The following BST1 variants were observed in gnomAD, a reference collection of about 807,000 sequenced individuals.
The protein encoded by BST1 is bone marrow stromal cell antigen 1, also known as ADP-ribosyl cyclase/cyclic ADP-ribose hydrolase 2.
Under a neutral mutation model 40.6 loss-of-function variants are expected in BST1, and 49 were observed. The ratio of observed to expected loss-of-function variants is 1.21; its 90% confidence interval spans 0.96 to 1.53. The LOEUF is 1.53. BST1 is among the 40% of genes most tolerant of loss of function. The pLI is 0.00. For missense variants in BST1, 423 were observed against 395.9 expected, an observed-to-expected ratio of 1.07 and a Z score of -0.58; for synonymous variants, 157 against 159.3, an observed-to-expected ratio of 0.99 and a Z score of 0.11.
chr4:15,765,645 C>T, the BST1 span, among the ~76,000 whole-genome samples: 1 of 152,166 alleles, frequency 6.6e-6, no homozygotes, highest in South Asian at 2.1e-4. Context: ...TCTCTGAACA[C>T]ACCAGGCTTG....
At chr4:15,753,906 C>T in the BST1 span, among the ~76,000 whole-genome samples, 1 of 152,190 alleles carries the variant, frequency 6.6e-6, no homozygotes, top group Non-Finnish European at 1.5e-5. Flanking sequence ...TGGAGAAGAG[C>T]AGTGGCCTCT....
chr4:15,750,053 T>G, the BST1 span, among the ~76,000 whole-genome samples: 1 of 151,946 alleles, frequency 6.6e-6, no homozygotes, highest in Admixed American at 6.6e-5. Flanking sequence ...TCAGATGGTT[T>G]GATTTTTATT....
At chr4:15,731,264 G>T in intron 8 of BST1, 1 of 495,434 alleles carries the variant, frequency 2.0e-6, no homozygotes. Context: ...CCGAGGATTC[G>T]TGGGATCTGC....
intron 8 of BST1, among the ~76,000 whole-genome samples, 182 bp downstream of exon 8, chr4:15,723,116 G>C (rs994760305): frequency 6.6e-6 from 1 of 152,128 alleles, no homozygotes; most frequent in Admixed American, 6.5e-5. Context: ...AAGCAATCAC[G>C]CTACACATAA....
intron 8 of BST1, among the ~76,000 whole-genome samples, chr4:15,725,947 CTTTTTTT>C (rs1206237130): frequency 8.3e-5 from 5 of 60,114 alleles, no homozygotes; most frequent in African/African-American, 1.3e-4. Flanking sequence ...GAAGTGCGGT[CTTTTTTT>C]TTTTTTTTTT....
chr4:15,716,004 T>C (rs1419460424), intron 6 of BST1, among the ~76,000 whole-genome samples: 1 of 152,216 alleles, frequency 6.6e-6, no homozygotes, highest in African/African-American at 2.4e-5. Context: ...CTCCTTTATC[T>C]GGGATATTCT....
chr4:15,719,055 G>T (rs1488370335), intron 7 of BST1, 62 bp downstream of exon 7: 2 of 1,463,840 alleles, frequency 1.4e-6, no homozygotes, highest in Admixed American at 1.8e-5. Flanking sequence ...GAGGAGGTGG[G>T]CTGCCGAAAG....
At chr4:15,743,080 C>G (rs1721782776), downstream of BST1, 1 of 154,818 alleles carries the variant, frequency 6.5e-6, no homozygotes, top group African/African-American at 2.4e-5. Context: ...CATAAACAGA[C>G]CTTTTTGAAG....
chr4:15,770,422 G>A, the BST1 span, among the ~76,000 whole-genome samples: 214 of 152,138 alleles, frequency 1.4e-3, no homozygotes, highest in African/African-American at 4.9e-3. Flanking sequence ...AAACTACTCC[G>A]GGCCAGGTGT....
chr4:15,734,277 G>A (rs1371772228), downstream of BST1, among the ~76,000 whole-genome samples: 1 of 152,148 alleles, frequency 6.6e-6, no homozygotes, highest in Non-Finnish European at 1.5e-5. Context: ...TTGTGGTGGT[G>A]ATTGCATGAA....
At chr4:15,725,186 T>C (rs1721034622) in intron 8 of BST1, among the ~76,000 whole-genome samples, 1 of 152,146 alleles carries the variant, frequency 6.6e-6, no homozygotes, top group Non-Finnish European at 1.5e-5. Flanking sequence ...AAACTCTGGC[T>C]CAGAGAAGTT....
intron 6 of BST1, 41 bp from the exon 7 acceptor site, chr4:15,718,866 C>A (rs749106641): frequency 7.7e-6 from 12 of 1,557,330 alleles, no homozygotes; most frequent in Non-Finnish European, 9.7e-6. Flanking sequence ...TCTTCCTCCT[C>A]TTATTTGCTT....
At chr4:15,721,555 G>A (rs902616253) in intron 7 of BST1, among the ~76,000 whole-genome samples, 1 of 151,374 alleles carries the variant, frequency 6.6e-6, no homozygotes, top group Non-Finnish European at 1.5e-5. Flanking sequence ...CTATCCCAAG[G>A]ACAGAAAACC....
chr4:15,749,806 C>G, the BST1 span, among the ~76,000 whole-genome samples: 1 of 152,040 alleles, frequency 6.6e-6, no homozygotes, highest in Non-Finnish European at 1.5e-5. Flanking sequence ...CACCACCCCC[C>G]GAGCATTTAT....
intron 2 of BST1, among the ~76,000 whole-genome samples, chr4:15,706,278 A>C (rs1165419759): frequency 6.6e-6 from 1 of 152,212 alleles, no homozygotes; most frequent in South Asian, 2.1e-4. Context: ...ACATGAGGAC[A>C]TCAGGACATG....
the BST1 span, among the ~76,000 whole-genome samples, chr4:15,755,429 G>A: frequency 5.9e-5 from 9 of 152,182 alleles, no homozygotes; most frequent in Non-Finnish European, 1.3e-4. Flanking sequence ...GAGCCACCGT[G>A]CCTGGCGCCA....
intron 4 of BST1, 138 bp downstream of exon 4, chr4:15,712,027 C>A: frequency 1.5e-6 from 1 of 672,804 alleles, no homozygotes; most frequent in South Asian, 1.8e-5. Flanking sequence ...CATCATGATT[C>A]ATGCTCTTTG....
chr4:15,707,835 C>CTT (rs1719968082), intron 3 of BST1, among the ~76,000 whole-genome samples, 189 bp downstream of exon 3: 1 of 4,906 alleles, frequency 2.0e-4, no homozygotes, highest in African/African-American at 8.4e-4. Flanking sequence ...AGTCTAAGCA[C>CTT]TCTCTCTCTC....
the BST1 span, chr4:15,743,605 C>T: frequency 3.5e-5 from 11 of 313,506 alleles, no homozygotes; most frequent in South Asian, 3.4e-4. Context: ...GCGGGAAGCT[C>T]TTCCTCCTGC....
Sources: gnomAD v4.1 joint callset for allele counts (sites outside exome capture counted in the v4.1 genomes callset) on GRCh38, gnomAD v4.1.1 for gene constraint, MANE v1.5 for transcripts, NCBI Gene and HGNC (gene_info 2026-07-23, HGNC 2026-07-21) for gene names.